NKAIN3: variants seen among roughly 807,000 people sequenced by gnomAD.
NKAIN3 encodes sodium/potassium transporting ATPase interacting 3.
NKAIN3 carries 25 observed loss-of-function variants against 30.2 expected under a neutral mutation model. The observed-to-expected ratio is 0.83, with a 90% CI of 0.60 to 1.16. NKAIN3 has a LOEUF of 1.16. Among genes scored for constraint, NKAIN3 ranks in the 50% most tolerant of loss-of-function variants. The pLI is 0.00. For synonymous variants in NKAIN3, 91 were observed against 89.6 expected (o/e 1.02, Z -0.09); for missense variants, 225 against 254.1 (o/e 0.89, Z 0.78).
intron 3 of NKAIN3, among the ~76,000 whole-genome samples, chr8:62,705,914 T>C (rs554051520): frequency 6.6e-6 from 1 of 152,092 alleles, no homozygotes; most frequent in African/African-American, 2.4e-5. Context: ...GCAGGAGCCT[T>C]TCCACAGGTT....
intron 4 of NKAIN3, among the ~76,000 whole-genome samples, chr8:62,851,269 G>A (rs536290874): frequency 6.6e-6 from 1 of 152,208 alleles, no homozygotes; most frequent in Admixed American, 6.5e-5. Flanking sequence ...TCTGTTATTG[G>A]TGTATAAGAA....
chr8:62,422,633 T>C (rs1472167033), intron 1 of NKAIN3, among the ~76,000 whole-genome samples: 2 of 152,086 alleles, frequency 1.3e-5, no homozygotes, highest in East Asian at 3.9e-4. Flanking sequence ...CTCTTTCCCA[T>C]TGAAACTGAA....
At chr8:62,642,908 G>C (rs113054199) in intron 3 of NKAIN3, among the ~76,000 whole-genome samples, 3,730 of 152,014 alleles carry the variant, frequency 0.025, 153 homozygotes, top group African/African-American at 0.086. Flanking sequence ...TCTATAATAA[G>C]ATTGAATAAA....
chr8:62,761,097 G>GT (rs979620178), intron 4 of NKAIN3, among the ~76,000 whole-genome samples: 12 of 151,890 alleles, frequency 7.9e-5, no homozygotes, highest in African/African-American at 2.9e-4. Context: ...TTTCTTTTCT[G>GT]TTTTTTTACC....
At chr8:62,896,655 C>G (rs1821437594) in intron 4 of NKAIN3, among the ~76,000 whole-genome samples, 1 of 152,174 alleles carries the variant, frequency 6.6e-6, no homozygotes. Context: ...ACTGTTAGCA[C>G]AGCAAGAACT....
intron 1 of NKAIN3, among the ~76,000 whole-genome samples, chr8:62,419,974 C>T (rs1234174457): frequency 2.0e-5 from 3 of 152,092 alleles, no homozygotes; most frequent in Non-Finnish European, 4.4e-5. Context: ...TAGTGAAGGA[C>T]ACTTCTATAT....
intron 3 of NKAIN3, among the ~76,000 whole-genome samples, chr8:62,590,062 T>C (rs1260728922): frequency 6.6e-6 from 1 of 151,708 alleles, no homozygotes; most frequent in East Asian, 1.9e-4. Context: ...ACTTACAGTG[T>C]ATCCTCATGT....
At chr8:62,373,939 C>T (rs1816985516) in intron 1 of NKAIN3, among the ~76,000 whole-genome samples, 1 of 151,556 alleles carries the variant, frequency 6.6e-6, no homozygotes, top group Admixed American at 6.6e-5. Flanking sequence ...ATGGTGAAAC[C>T]CCGTCTCTAC....
At chr8:62,516,317 C>A (rs896929788) in intron 1 of NKAIN3, among the ~76,000 whole-genome samples, 3 of 152,072 alleles carry the variant, frequency 2.0e-5, no homozygotes, top group Admixed American at 2.0e-4. Context: ...TACCATTTCA[C>A]CATTGATTAA....
intron 4 of NKAIN3, among the ~76,000 whole-genome samples, chr8:62,841,482 C>G (rs1302894573): frequency 6.6e-6 from 1 of 152,028 alleles, no homozygotes; most frequent in Non-Finnish European, 1.5e-5. Context: ...CCCACCCAAG[C>G]CCCCCATCCC....
intron 4 of NKAIN3, among the ~76,000 whole-genome samples, chr8:62,912,844 G>A (rs1288895938): frequency 6.6e-6 from 1 of 152,074 alleles, no homozygotes; most frequent in African/African-American, 2.4e-5. Flanking sequence ...AGGAGGCAGA[G>A]GTTTTGGTGA....
chr8:62,555,913 A>AAT, intron 1 of NKAIN3, among the ~76,000 whole-genome samples: 1 of 152,078 alleles, frequency 6.6e-6, no homozygotes, highest in Non-Finnish European at 1.5e-5. Flanking sequence ...GCACATTTTT[A>AAT]ATATACAGAA....
chr8:62,826,094 C>T (rs928156853), intron 4 of NKAIN3, among the ~76,000 whole-genome samples: 1 of 152,212 alleles, frequency 6.6e-6, no homozygotes, highest in African/African-American at 2.4e-5. Context: ...CTTCTCTGCT[C>T]ATCTCTGATA....
intron 1 of NKAIN3, among the ~76,000 whole-genome samples, chr8:62,295,510 T>C (rs769498846): frequency 7.2e-5 from 11 of 152,206 alleles, no homozygotes; most frequent in Non-Finnish European, 1.6e-4. Flanking sequence ...ATAACAATTG[T>C]TGAGCTTCAG....
chr8:62,826,251 A>G (rs946914289), intron 4 of NKAIN3, among the ~76,000 whole-genome samples: 3 of 152,128 alleles, frequency 2.0e-5, no homozygotes, highest in Non-Finnish European at 2.9e-5. Context: ...AATAGGTATT[A>G]CCATAAGAGT....
chr8:62,651,849 CCT>C (rs547967406), intron 3 of NKAIN3, among the ~76,000 whole-genome samples: 542 of 152,186 alleles, frequency 3.6e-3, no homozygotes, highest in African/African-American at 0.012. Flanking sequence ...CCCTTGCTCC[CCT>C]TCTTGCTATG....
At chr8:62,424,470 C>G (rs1804740479) in intron 1 of NKAIN3, among the ~76,000 whole-genome samples, 1 of 151,698 alleles carries the variant, frequency 6.6e-6, no homozygotes, top group Non-Finnish European at 1.5e-5. Flanking sequence ...AAATAACCCA[C>G]TTAAAAAGTG....
rs577985457 is a variant in NKAIN3, at chr8:62,314,160, A to G, written c.54+65033A>G. Among the ~76,000 whole-genome samples the G allele has an allele frequency of 5.9e-5, 9 of 152,324 alleles. No homozygotes were observed. In the South Asian group the frequency reaches 1.9e-3, roughly 32 times the overall value. The stretch of plus-strand genomic sequence containing the variant: ...GTTTAGGGAAAATTTTAAATATTCC[A>G]TAATGTAACACAATATTGAATTAAA... On this transcript the variant is annotated intron_variant, in intron 1 of 6. Coordinates refer to ENST00000623646, the MANE Select transcript of NKAIN3 (RefSeq NM_001304533.3).
chr8:62,613,617 C>A (rs1811357631), intron 3 of NKAIN3, among the ~76,000 whole-genome samples: 1 of 152,106 alleles, frequency 6.6e-6, no homozygotes, highest in Admixed American at 6.6e-5. Context: ...CTACTCATGT[C>A]TCTTTCTCTA....
Sources: allele counts gnomAD v4.1 joint callset (sites outside exome capture counted in the v4.1 genomes callset), GRCh38; gene constraint gnomAD v4.1.1; transcripts MANE v1.5; gene names NCBI Gene and HGNC (gene_info 2026-07-23, HGNC 2026-07-21).